Variants in SUMF1 observed in about 807,000 individuals in gnomAD.
The protein encoded by SUMF1 is formylglycine-generating enzyme.
In SUMF1, 48 loss-of-function variants were observed where a neutral mutation model predicts 47.6. The observed-to-expected ratio is 1.01, with a 90% CI of 0.80 to 1.28. The LOEUF is 1.28. SUMF1 is among the 50% of genes most tolerant of loss of function. The pLI is 0.00. For missense variants in SUMF1, 571 were observed against 485.4 expected (o/e 1.18, Z -1.66); for synonymous variants, 230 against 192.1 (o/e 1.20, Z -1.63).
chr3:4,443,067 G>A (rs1458905584), intron 3 of SUMF1, among the ~76,000 whole-genome samples: 1 of 151,912 alleles, frequency 6.6e-6, no homozygotes, highest in Non-Finnish European at 1.5e-5. Flanking sequence ...CCTGAACTCA[G>A]GAGATCGAGA....
chr3:4,311,252 G>A (rs997553038), intron 8 of SUMF1, among the ~76,000 whole-genome samples: 4 of 152,012 alleles, frequency 2.6e-5, no homozygotes, highest in African/African-American at 7.3e-5. Context: ...AGCTCCACCC[G>A]AGGCCTCCAC....
At chr3:4,207,602 T>C (rs2125158720) in intron 8 of SUMF1, among the ~76,000 whole-genome samples, 1 of 152,304 alleles carries the variant, frequency 6.6e-6, no homozygotes, top group African/African-American at 2.4e-5. Context: ...AGATGATGTA[T>C]TACACTAACT....
intron 8 of SUMF1, among the ~76,000 whole-genome samples, chr3:4,355,326 G>A (rs977750228): frequency 6.6e-6 from 1 of 152,164 alleles, no homozygotes; most frequent in Non-Finnish European, 1.5e-5. Flanking sequence ...CACTGCCCTC[G>A]GGCCTGGATG....
In SUMF1 at chr3:4,378,433, A is replaced by T. The variant is rs1700396380; in HGVS notation, c.955-2044T>A. On this transcript the variant is annotated intron_variant, in intron 7 of 8. Transcript: ENST00000272902. ...AGTAGGGGACTGTCTGTGCTTAGAA[A>T]CTATCACAGACAAAGCCATTGGCTA... Among the ~76,000 whole-genome samples, 3 of 152,330 alleles carry T rather than the reference A, an allele frequency of 2.0e-5. 1 individual carries two copies. In the South Asian group the frequency reaches 6.2e-4, roughly 32 times the overall value.
Position 4,098,739 on chromosome 3 carries a change from G to C in SUMF1, c.1015-29994C>G, listed in dbSNP as rs576188437. On this transcript the variant is annotated intron_variant and NMD_transcript_variant, in intron 8 of 12. Transcript: ENST00000448413. ...GGGATGTTTCCTCCATCTGCCAAGA[G>C]GCATTCTGCAGATAATCATCCTTCA... 1.2e-4 allele frequency among the ~76,000 whole-genome samples: 18 copies of C among 152,198 alleles called. No homozygotes were observed. The East Asian group carries it at 3.3e-3, about 28-fold the overall frequency.
intron 8 of SUMF1, among the ~76,000 whole-genome samples, chr3:4,199,203 G>C (rs780263233): frequency 6.6e-6 from 1 of 152,064 alleles, no homozygotes; most frequent in Non-Finnish European, 1.5e-5. Context: ...TGTCTCTATA[G>C]TTCTGTCTTT....
At chr3:4,303,455 G>C (rs1489749252) in intron 8 of SUMF1, 2 of 1,538,762 alleles carry the variant, frequency 1.3e-6, no homozygotes, top group Non-Finnish European at 1.7e-6. Context: ...TGAGCAGCTG[G>C]ATGTCGCGTG....
chr3:4,287,198 C>CA (rs1314832878), intron 8 of SUMF1, among the ~76,000 whole-genome samples: 1 of 152,058 alleles, frequency 6.6e-6, no homozygotes, highest in African/African-American at 2.4e-5. Flanking sequence ...CAACACAATG[C>CA]AAAGCTTTCA....
chr3:4,133,413 C>G (rs780666610), intron 8 of SUMF1, among the ~76,000 whole-genome samples: 5 of 151,940 alleles, frequency 3.3e-5, no homozygotes, highest in Non-Finnish European at 5.9e-5. Flanking sequence ...AAGGGGTGAA[C>G]TTGTGATAGT....
downstream of SUMF1, among the ~76,000 whole-genome samples, chr3:4,356,888 C>T (rs905245508): frequency 7.2e-5 from 11 of 152,226 alleles, no homozygotes; most frequent in Admixed American, 3.3e-4. Context: ...CATGCCCAGC[C>T]TGCTTCACCT....
intron 8 of SUMF1, among the ~76,000 whole-genome samples, chr3:4,268,064 T>A (rs13079594): frequency 0.36 from 54,930 of 151,940 alleles, 10,786 homozygotes; most frequent in Non-Finnish European, 0.45. Context: ...CCATAAAAAA[T>A]GATGAGTTCA....
intron 8 of SUMF1, among the ~76,000 whole-genome samples, chr3:4,157,296 G>C (rs571496238): frequency 5.3e-5 from 8 of 151,584 alleles, no homozygotes; most frequent in African/African-American, 2.0e-4. Context: ...AACCACTTCA[G>C]GGAAGAGGCC....
rs80015897 is a variant in SUMF1, at chr3:4,419,946, C to T, written c.602+118G>A. The T allele has an allele frequency of 3.5e-3, 2,877 of 827,106 alleles. 38 individuals carry two copies. The highest frequency in any genetic ancestry group is 0.035 in the African/African-American group (2,060 of 59,392). The allele number at this position is 827,106 out of a possible 1,614,324, so 51.2% of individuals were successfully genotyped here. On this transcript the variant is annotated intron_variant, in intron 4 of 8. Coordinates refer to ENST00000272902, the MANE Select transcript of SUMF1 (RefSeq NM_182760.4). ...ATCTTATTTTCCTACCAATCAATTACAGTTTGTCATTCTTATCATTTTATA... is the reference window on the plus strand; with the variant it reads ...ATCTTATTTTCCTACCAATCAATTATAGTTTGTCATTCTTATCATTTTATA...
At chr3:4,180,389 T>G (rs143074673) in intron 8 of SUMF1, among the ~76,000 whole-genome samples, 20 of 152,218 alleles carry the variant, frequency 1.3e-4, no homozygotes, top group African/African-American at 4.8e-4. Flanking sequence ...TTCATGTCCT[T>G]TGCAGGAACA....
At chr3:4,132,013 T>G (rs1256155234) in intron 8 of SUMF1, among the ~76,000 whole-genome samples, 1 of 152,142 alleles carries the variant, frequency 6.6e-6, no homozygotes, top group Admixed American at 6.5e-5. Flanking sequence ...AGACCAACAC[T>G]GAGCCCTTGA....
At chr3:4,201,101 T>A (rs1166434882) in intron 8 of SUMF1, among the ~76,000 whole-genome samples, 2 of 152,196 alleles carry the variant, frequency 1.3e-5, no homozygotes, top group Non-Finnish European at 2.9e-5. Context: ...AAATGGGGTA[T>A]CCATCACCTC....
Position 4,314,710 on chromosome 3 carries a change from C to T in SUMF1, c.1014+61620G>A, listed in dbSNP as rs190521330. 7.9e-5 allele frequency among the ~76,000 whole-genome samples: 12 copies of T among 152,204 alleles called. 1 individual carries two copies. In the South Asian group the frequency reaches 1.9e-3, roughly 24 times the overall value. ...GAAGGAGACGGGAGTTTTATGATCC[C>T]GTTTAAACTTCTAGAGCAGCAAACA... On this transcript the variant is annotated intron_variant and NMD_transcript_variant, in intron 8 of 12. Transcript: ENST00000448413.
chr3:4,167,230 A>G (rs1694728375), intron 8 of SUMF1, among the ~76,000 whole-genome samples: 1 of 152,034 alleles, frequency 6.6e-6, no homozygotes, highest in South Asian at 2.1e-4. Flanking sequence ...GAGCGAAAGA[A>G]CAAAGCTTCC....
chr3:4,125,830 C>T (rs568058865), intron 8 of SUMF1, among the ~76,000 whole-genome samples: 1 of 152,186 alleles, frequency 6.6e-6, no homozygotes, highest in East Asian at 1.9e-4. Flanking sequence ...GTGTGCATGA[C>T]CACATGTGGC....
Sources: gnomAD v4.1 joint callset for allele counts (sites outside exome capture counted in the v4.1 genomes callset) on GRCh38, gnomAD v4.1.1 for gene constraint, MANE v1.5 for transcripts, NCBI Gene and HGNC (gene_info 2026-07-23, HGNC 2026-07-21) for gene names.